The following DZANK1 variants were observed in gnomAD, a reference collection of about 807,000 sequenced individuals.
The protein encoded by DZANK1 is double zinc ribbon and ankyrin repeat domains 1, also known as double zinc ribbon and ankyrin repeat-containing protein 1.
DZANK1 carries 91 observed loss-of-function variants against 94.5 expected under a neutral mutation model. That is an observed-to-expected ratio of 0.96 (90% confidence interval 0.81 to 1.15). The LOEUF (loss-of-function observed/expected upper bound fraction) is 1.15. Ranked by LOEUF, DZANK1 falls within the 50% of genes most tolerant of loss-of-function variation. The pLI, the probability that DZANK1 is intolerant of heterozygous loss-of-function variation, is 0.00. For missense variants in DZANK1, 903 were observed against 916.4 expected, an observed-to-expected ratio of 0.99 and a Z score of 0.19; for synonymous variants, 312 against 325.3, an observed-to-expected ratio of 0.96 and a Z score of 0.44.
rs527848909 is a variant in DZANK1, at chr20:18,395,247, G to A, written c.1612-897C>T. 6.6e-5 allele frequency among the ~76,000 whole-genome samples: 10 copies of A among 152,300 alleles called. No individual in the cohort carries two copies. The South Asian group carries it at 1.9e-3, about 28-fold the overall frequency. ...GTGGTGGTGTGACCCTGTAATCCCA[G>A]CTACACAGGCAGCTGAGGAACGAGA... On this transcript the variant is annotated intron_variant, in intron 15 of 20. Transcript: ENST00000262547.
At chr20:18,465,844 T>C (rs1019157606) in intron 1 of DZANK1, among the ~76,000 whole-genome samples, 3 of 152,166 alleles carry the variant, frequency 2.0e-5, no homozygotes, top group Admixed American at 2.0e-4. Context: ...TTGGGAAAGC[T>C]CCGGGTTCAC....
intron 7 of DZANK1, among the ~76,000 whole-genome samples, chr20:18,444,265 T>C (rs1262757544): frequency 6.6e-6 from 1 of 152,208 alleles, no homozygotes; most frequent in Non-Finnish European, 1.5e-5. Flanking sequence ...TACTGTACCA[T>C]GGCACCAAGG....
chr20:18,465,248 A>G lies in DZANK1; in HGVS notation c.109+2T>C. ...ACAATTTCAAACATATGTGATTCTT[A>G]CCTGATTTCATTTCCAAAAGCGTAT... On this transcript the variant is annotated splice_donor_variant, in intron 2 of 20. Transcript: ENST00000262547. LOFTEE classifies it high-confidence loss of function. The G allele has an allele frequency of 6.4e-7, 1 of 1,556,278 alleles. No individual in the cohort carries two copies. The highest frequency in any genetic ancestry group is 8.8e-7 in the Non-Finnish European group (1 of 1,138,898).
chr20:18,449,088 G>A lies in DZANK1; in HGVS notation c.544-19C>T. On this transcript the variant is annotated intron_variant, in intron 6 of 20. Transcript: ENST00000262547. ...CGGGGGACTAAAATTAAGAATATAG[G>A]TATAAAGACAGAGTCATATAGTCAA... is the stretch of plus-strand genomic sequence containing the variant. The A allele has an allele frequency of 6.3e-7, 1 of 1,599,212 alleles. No individual in the cohort carries two copies. Among genetic ancestry groups the A allele is most frequent in the Non-Finnish European group, 8.6e-7 (1 of 1,167,258 alleles).
intron 10 of DZANK1, among the ~76,000 whole-genome samples, chr20:18,417,317 G>C (rs2057541734): frequency 6.6e-6 from 1 of 152,178 alleles, no homozygotes; most frequent in Admixed American, 6.5e-5. Flanking sequence ...AATTTAAATG[G>C]TTTTATTATT....
At chr20:18,456,494 A>G (rs1391926380) in intron 3 of DZANK1, among the ~76,000 whole-genome samples, 2 of 152,220 alleles carry the variant, frequency 1.3e-5, no homozygotes, top group Admixed American at 1.3e-4. Context: ...TAATGTACAC[A>G]ATTTTGTGAG....
intron 14 of DZANK1, among the ~76,000 whole-genome samples, chr20:18,397,792 G>A (rs1392197186): frequency 6.6e-6 from 1 of 152,158 alleles, no homozygotes; most frequent in Non-Finnish European, 1.5e-5. Context: ...TCGAGGACTG[G>A]GTTCAGCTGG....
intron 13 of DZANK1, among the ~76,000 whole-genome samples, chr20:18,410,307 A>G (rs2148414103): frequency 6.6e-6 from 1 of 152,276 alleles, no homozygotes; most frequent in East Asian, 1.9e-4. Flanking sequence ...GAATTGAATT[A>G]TAGGGGTAGA....
intron 13 of DZANK1, among the ~76,000 whole-genome samples, chr20:18,398,887 T>A (rs1568892656): frequency 6.6e-6 from 1 of 151,770 alleles, no homozygotes; most frequent in Non-Finnish European, 1.5e-5. Context: ...AATCCAACAC[T>A]TTGGGAGGCC....
At chr20:18,439,376 G>C (rs1054470109) in intron 8 of DZANK1, among the ~76,000 whole-genome samples, 1 of 152,290 alleles carries the variant, frequency 6.6e-6, no homozygotes. Flanking sequence ...ATTTATGTCT[G>C]GAAACTGGGG....
chr20:18,454,119 A>G, intron 4 of DZANK1: 1 of 462,780 alleles, frequency 2.2e-6, no homozygotes, highest in East Asian at 5.7e-5. Context: ...AGTCTGGGTA[A>G]CAACAGAGGG....
exon 7 of DZANK1, chr20:18,449,060 A>G: frequency 6.2e-7 from 1 of 1,613,748 alleles, no homozygotes; most frequent in Non-Finnish European, 8.5e-7. Context: ...ACGTGTGCAA[A>G]ACCGGGGGAC....
intron 9 of DZANK1, among the ~76,000 whole-genome samples, chr20:18,427,794 A>G (rs1179063798): frequency 2.6e-5 from 4 of 152,156 alleles, no homozygotes; most frequent in Non-Finnish European, 5.9e-5. Context: ...CATGTTAAAT[A>G]TGAATTTAGG....
intron 2 of DZANK1, among the ~76,000 whole-genome samples, chr20:18,464,576 C>A (rs1366238749): frequency 6.6e-6 from 1 of 151,830 alleles, no homozygotes; most frequent in African/African-American, 2.4e-5. Context: ...AAGTCTCCAA[C>A]CTGTCTGACT....
intron 10 of DZANK1, among the ~76,000 whole-genome samples, chr20:18,423,143 T>A (rs529202407): frequency 6.6e-6 from 1 of 152,200 alleles, no homozygotes; most frequent in African/African-American, 2.4e-5. Context: ...GAACACTGAG[T>A]AAAGTTTGCA....
intron 9 of DZANK1, among the ~76,000 whole-genome samples, chr20:18,428,441 G>A (rs2058148013): frequency 6.6e-6 from 1 of 151,872 alleles, no homozygotes; most frequent in Non-Finnish European, 1.5e-5. Context: ...CCCACCTCAG[G>A]CTCCCAAAGT....
At chr20:18,461,500 TAATA>T (rs2148817686) in intron 2 of DZANK1, among the ~76,000 whole-genome samples, 1 of 152,266 alleles carries the variant, frequency 6.6e-6, no homozygotes, top group East Asian at 1.9e-4. Flanking sequence ...ATAAGCACTA[TAATA>T]AATAATTTTG....
At chr20:18,418,989 C>T (rs1294816921) in intron 10 of DZANK1, among the ~76,000 whole-genome samples, 1 of 152,036 alleles carries the variant, frequency 6.6e-6, no homozygotes, top group African/African-American at 2.4e-5. Context: ...AGGACTGGCG[C>T]GGTGGCTCAT....
At chr20:18,437,388 G>C (rs951551290) in intron 8 of DZANK1, among the ~76,000 whole-genome samples, 2 of 152,102 alleles carry the variant, frequency 1.3e-5, no homozygotes, top group Admixed American at 1.3e-4. Context: ...AGACCAGCCT[G>C]GCCAATATGG....
Sources: allele counts gnomAD v4.1 joint callset (sites outside exome capture counted in the v4.1 genomes callset), GRCh38; gene constraint gnomAD v4.1.1; transcripts MANE v1.5; gene names NCBI Gene and HGNC (gene_info 2026-07-23, HGNC 2026-07-21).